IL1RAP: variants seen among roughly 807,000 people sequenced by gnomAD.
IL1RAP encodes the protein interleukin-1 receptor accessory protein.
A neutral mutation model predicts 60.7 loss-of-function variants in IL1RAP; 35 were observed. The ratio of observed to expected loss-of-function variants is 0.58; its 90% CI spans 0.44 to 0.76. The LOEUF is 0.76. Ranked by LOEUF, IL1RAP falls within the 30% of genes least tolerant of loss-of-function variation. The probability of loss-of-function intolerance (pLI) is 0.00; values close to 1 mark genes in which losing one functional copy is unlikely to be tolerated. For synonymous variants in IL1RAP, 268 were observed against 250.9 expected (o/e 1.07, Z -0.64); for missense variants, 572 against 693.9 (o/e 0.82, Z 1.97).
intron 11 of IL1RAP, among the ~76,000 whole-genome samples, chr3:190,646,209 AT>A (rs34384041): frequency 1.5e-4 from 23 of 151,864 alleles, no homozygotes; most frequent in African/African-American, 5.6e-4. Context: ...AAGACTGAGA[AT>A]TTTTTTTTAA....
rs572155165 is a variant in IL1RAP, at chr3:190,659,506, C to T, written c.*2899C>T. 3 of 152,200 alleles carry T rather than the reference C, an allele frequency of 2.0e-5. No individual in the cohort carries two copies. In the South Asian group the frequency reaches 6.2e-4, roughly 32 times the overall value. 9.4% of individuals were successfully genotyped at this position (152,200 alleles called of 1,614,324 possible). ...ATGTGATGTTCAGTACCATACATTT[C>T]AATGAAGCAAATTATAATAAGAAAG... is the stretch of plus-strand genomic sequence containing the variant. On this transcript the variant is annotated 3_prime_UTR_variant, in exon 12 of 12. Transcript: ENST00000317757.
intron 9 of IL1RAP, among the ~76,000 whole-genome samples, chr3:190,633,339 A>G (rs1375669131): frequency 6.6e-6 from 1 of 152,034 alleles, no homozygotes. Flanking sequence ...TTTGTTTTTG[A>G]TGCTATTGTA....
chr3:190,619,019 T>TA (rs146952563), intron 5 of IL1RAP, among the ~76,000 whole-genome samples: 3 of 151,994 alleles, frequency 2.0e-5, no homozygotes, highest in African/African-American at 7.3e-5. Flanking sequence ...AATATGTGAA[T>TA]AAAAAAAATT....
At chr3:190,636,223 T>C (rs868704683) in intron 9 of IL1RAP, among the ~76,000 whole-genome samples, 3 of 152,178 alleles carry the variant, frequency 2.0e-5, no homozygotes, top group African/African-American at 7.2e-5. Context: ...ACTAAGAAAA[T>C]TGGTGTCAGT....
intron 3 of IL1RAP, among the ~76,000 whole-genome samples, chr3:190,601,898 GACA>G (rs1729893439): frequency 6.6e-6 from 1 of 152,082 alleles, no homozygotes; most frequent in South Asian, 2.1e-4. Context: ...TTCTCATAGT[GACA>G]ACAGAGTTCC....
At chr3:190,598,477 T>A (rs1405160781) in intron 3 of IL1RAP, among the ~76,000 whole-genome samples, 1 of 152,162 alleles carries the variant, frequency 6.6e-6, no homozygotes, top group Non-Finnish European at 1.5e-5. Context: ...GTTTGCCAAC[T>A]GTATTACCTA....
intron 5 of IL1RAP, chr3:190,615,402 TA>T (rs1014235443): frequency 3.4e-5 from 26 of 773,256 alleles, no homozygotes; most frequent in Non-Finnish European, 4.0e-5. Context: ...GAGATTAATT[TA>T]GAGTCTTTGG....
chr3:190,536,895 A>T (rs532194452), intron 1 of IL1RAP, among the ~76,000 whole-genome samples: 2 of 152,304 alleles, frequency 1.3e-5, no homozygotes, highest in South Asian at 2.1e-4. Context: ...AAAAAGAAAA[A>T]CAGTTATATG....
Position 190,648,791 on chromosome 3 carries a change from A to G in IL1RAP, c.*86A>G. 1.3e-6 allele frequency: 2 copies of G among 1,490,942 alleles called. No individual in the cohort carries two copies. Among genetic ancestry groups the G allele is most frequent in the Non-Finnish European group, 1.8e-6 (2 of 1,122,510 alleles). The allele number at this position is 1,490,942 out of a possible 1,614,324, so 92.4% of individuals were successfully genotyped here. On this transcript the variant is annotated 3_prime_UTR_variant, in exon 12 of 12. Coordinates refer to ENST00000447382, the MANE Select transcript of IL1RAP (RefSeq NM_002182.4). Reference sequence around the variant, plus strand: ...GTCTTCATTCGCAGTTTATGGTTTCATAGGCAAAAATAATGGTCTAAGCCT... The same window carrying G: ...GTCTTCATTCGCAGTTTATGGTTTCGTAGGCAAAAATAATGGTCTAAGCCT...
intron 2 of IL1RAP, among the ~76,000 whole-genome samples, chr3:190,558,376 G>T (rs534932195): frequency 2.0e-5 from 3 of 152,076 alleles, no homozygotes; most frequent in Non-Finnish European, 4.4e-5. Flanking sequence ...TTCCAGAGAG[G>T]GTATATGGAC....
At chr3:190,609,327 C>T in intron 5 of IL1RAP, 146 bp downstream of exon 5, 3 of 552,536 alleles carry the variant, frequency 5.4e-6, no homozygotes, top group East Asian at 3.2e-5. Context: ...TATTTCAGCA[C>T]GTCCTCATTT....
chr3:190,524,527 C>T (rs1437098679), intron 1 of IL1RAP, among the ~76,000 whole-genome samples: 1 of 152,116 alleles, frequency 6.6e-6, no homozygotes, highest in Non-Finnish European at 1.5e-5. Context: ...GGAAGGGGTT[C>T]AATTTCAATC....
intron 1 of IL1RAP, among the ~76,000 whole-genome samples, chr3:190,515,776 C>A (rs1252026742): frequency 6.6e-6 from 1 of 151,370 alleles, no homozygotes; most frequent in Non-Finnish European, 1.5e-5. Flanking sequence ...TCTATCCTTG[C>A]TCTCTTAGGT....
rs146543357 is a variant in IL1RAP at position 190,526,079 on chromosome 3, T to G, written c.-89+11860T>G. Among the ~76,000 whole-genome samples the G allele has an allele frequency of 3.9e-3, 589 of 152,360 alleles. 1 individual carries two copies. Among genetic ancestry groups the G allele is most frequent in the African/African-American group, 0.014 (568 of 41,588 alleles). On this transcript the variant is annotated intron_variant, in intron 1 of 11. Coordinates refer to ENST00000447382, the MANE Select transcript of IL1RAP (RefSeq NM_002182.4). ...TTGAAGAAGTAGCTTACAGGTCATC[T>G]CTTCCGTGATGTGTTTACTGGGCCC...
At chr3:190,642,861 A>G (rs927710461) in intron 9 of IL1RAP, among the ~76,000 whole-genome samples, 1 of 152,240 alleles carries the variant, frequency 6.6e-6, no homozygotes, top group African/African-American at 2.4e-5. Flanking sequence ...TGACTAATAC[A>G]CAATTTAAGC....
intron 3 of IL1RAP, among the ~76,000 whole-genome samples, chr3:190,602,278 C>G (rs1409106259): frequency 6.6e-6 from 1 of 152,176 alleles, no homozygotes; most frequent in Non-Finnish European, 1.5e-5. Flanking sequence ...TCCCAGTTCT[C>G]ACGTGTAAGC....
rs140688594 is a variant in IL1RAP, at chr3:190,600,249, G to A, written c.65-3879G>A. Among the ~76,000 whole-genome samples, 267 of 152,262 alleles carry A rather than the reference G, an allele frequency of 1.8e-3. 1 individual carries two copies. Among genetic ancestry groups the A allele is most frequent in the African/African-American group, 6.1e-3 (254 of 41,554 alleles). Reference sequence around the variant, plus strand: ...TTGTCATATATTTCTTCTTAAACTGGCCAGATTTTCCACGGAAGATTCTTT... The same window carrying A: ...TTGTCATATATTTCTTCTTAAACTGACCAGATTTTCCACGGAAGATTCTTT... On this transcript the variant is annotated intron_variant, in intron 3 of 11. Coordinates refer to ENST00000447382, the MANE Select transcript of IL1RAP (RefSeq NM_002182.4).
chr3:190,564,563 G>C lies in IL1RAP; in HGVS notation c.64+210G>C, dbSNP rs542104320. ...AGTCTTCATGGGATAGAGTACACAG[G>C]GGGCAGTGGGCCGCTGTGTTTAAAC... On this transcript the variant is annotated intron_variant, in intron 3 of 11. Transcript: ENST00000447382. 110 of 570,490 alleles carry C rather than the reference G, an allele frequency of 1.9e-4. No individual in the cohort carries two copies. In the African/African-American group the frequency reaches 2.0e-3, roughly 10 times the overall value. 35.3% of individuals were successfully genotyped at this position (570,490 alleles called of 1,614,324 possible). A position where few individuals can be genotyped will look rare whatever the true frequency, so the allele number is the denominator to read the frequency against.
chr3:190,644,872 G>A (rs888110164), intron 10 of IL1RAP, among the ~76,000 whole-genome samples: 1 of 152,070 alleles, frequency 6.6e-6, no homozygotes, highest in East Asian at 1.9e-4. Flanking sequence ...GCCACATTTC[G>A]AGTGAGCAAT....
Sources: allele counts gnomAD v4.1 joint callset (sites outside exome capture counted in the v4.1 genomes callset), GRCh38; gene constraint gnomAD v4.1.1; transcripts MANE v1.5; gene names NCBI Gene and HGNC (gene_info 2026-07-23, HGNC 2026-07-21).